The following UBE2E2 variants were observed in gnomAD, a reference collection of about 807,000 sequenced individuals.
UBE2E2 encodes ubiquitin-conjugating enzyme E2 E2.
UBE2E2 carries 6 observed loss-of-function variants against 24.7 expected under a neutral mutation model. The observed-to-expected ratio is 0.24, with a 90% CI of 0.13 to 0.48. UBE2E2 has a LOEUF of 0.48. Ranked by LOEUF, UBE2E2 falls within the 20% of genes least tolerant of loss-of-function variation. The probability of loss-of-function intolerance (pLI) is 0.99; values close to 1 mark genes in which losing one functional copy is unlikely to be tolerated. For synonymous variants in UBE2E2, 104 were observed against 83.6 expected (o/e 1.24, Z -1.33); for missense variants, 169 against 245.0 (o/e 0.69, Z 2.07).
chr3:23,406,710 A>G (rs1697363917), intron 3 of UBE2E2, among the ~76,000 whole-genome samples: 1 of 152,214 alleles, frequency 6.6e-6, no homozygotes, highest in African/African-American at 2.4e-5. Context: ...TTCTGTGACC[A>G]TGACAATTGA....
chr3:23,354,917 G>A (rs954556636), intron 3 of UBE2E2, among the ~76,000 whole-genome samples: 9 of 152,064 alleles, frequency 5.9e-5, no homozygotes, highest in African/African-American at 1.9e-4. Context: ...CTGCTATAAA[G>A]ACACATGCAC....
intron 5 of UBE2E2, among the ~76,000 whole-genome samples, chr3:23,540,355 G>A (rs931150428): frequency 1.3e-5 from 2 of 151,962 alleles, no homozygotes; most frequent in African/African-American, 4.8e-5. Context: ...TGTGCCCTGT[G>A]GAAGATAAGC....
chr3:23,204,529 A>G (rs1696093371), intron 1 of UBE2E2: 1 of 220,262 alleles, frequency 4.5e-6, no homozygotes, highest in South Asian at 1.6e-4. Flanking sequence ...GTATGTTTCT[A>G]GATATGTGAT....
chr3:23,396,815 C>CA (rs1575604130), intron 3 of UBE2E2, among the ~76,000 whole-genome samples: 2 of 151,688 alleles, frequency 1.3e-5, no homozygotes, highest in South Asian at 4.2e-4. Flanking sequence ...TTCTTAAGAA[C>CA]AAAAAAAATA....
intron 3 of UBE2E2, among the ~76,000 whole-genome samples, chr3:23,262,313 G>GAC (rs1697924681): frequency 6.6e-6 from 1 of 152,118 alleles, no homozygotes; most frequent in Non-Finnish European, 1.5e-5. Context: ...CAGAGTCGTG[G>GAC]TCTTTTTTTC....
At chr3:23,352,542 T>C (rs1695785989) in intron 3 of UBE2E2, among the ~76,000 whole-genome samples, 1 of 152,064 alleles carries the variant, frequency 6.6e-6, no homozygotes, top group Non-Finnish European at 1.5e-5. Flanking sequence ...TAAAAAATGA[T>C]AAAGGGGATA....
At chr3:23,290,265 A>C (rs1344220916) in intron 3 of UBE2E2, among the ~76,000 whole-genome samples, 1 of 152,158 alleles carries the variant, frequency 6.6e-6, no homozygotes, top group Admixed American at 6.5e-5. Flanking sequence ...GCACTTTATT[A>C]GTTTGTGGAC....
chr3:23,354,736 C>T (rs561854952), intron 3 of UBE2E2, among the ~76,000 whole-genome samples: 1 of 152,262 alleles, frequency 6.6e-6, no homozygotes, highest in Non-Finnish European at 1.5e-5. Flanking sequence ...GCAACAGGTG[C>T]TGGAGAGGAT....
chr3:23,351,976 A>G (rs757246058), intron 3 of UBE2E2, among the ~76,000 whole-genome samples: 1 of 152,100 alleles, frequency 6.6e-6, no homozygotes, highest in Non-Finnish European at 1.5e-5. Flanking sequence ...TGACCACATA[A>G]TTGGAAGTAA....
intron 3 of UBE2E2, among the ~76,000 whole-genome samples, chr3:23,282,461 A>C (rs1419620572): frequency 6.6e-6 from 1 of 152,190 alleles, no homozygotes; most frequent in Admixed American, 6.5e-5. Context: ...CACACACACA[A>C]AATTCTTGTG....
intron 5 of UBE2E2, among the ~76,000 whole-genome samples, chr3:23,584,573 G>T (rs551218238): frequency 3.4e-4 from 51 of 150,634 alleles, no homozygotes; most frequent in Admixed American, 1.6e-3. Context: ...TTTTTTTCTG[G>T]AAAGACGGTC....
intron 3 of UBE2E2, among the ~76,000 whole-genome samples, chr3:23,472,573 T>C (rs1699052121): frequency 6.6e-6 from 1 of 151,032 alleles, no homozygotes; most frequent in East Asian, 1.9e-4. Flanking sequence ...TATCTTTAAA[T>C]AATGCTTCAT....
At chr3:23,365,144 A>G (rs1168722500) in intron 3 of UBE2E2, among the ~76,000 whole-genome samples, 1 of 152,184 alleles carries the variant, frequency 6.6e-6, no homozygotes, top group Non-Finnish European at 1.5e-5. Context: ...AGAGCCACCT[A>G]TGACAAACCC....
intron 3 of UBE2E2, among the ~76,000 whole-genome samples, chr3:23,252,736 A>G (rs1697608688): frequency 1.3e-5 from 2 of 152,168 alleles, no homozygotes; most frequent in South Asian, 4.1e-4. Flanking sequence ...ATCTCTGGTG[A>G]TCCACCCACC....
intron 4 of UBE2E2, among the ~76,000 whole-genome samples, chr3:23,522,460 T>G (rs988265864): frequency 2.6e-5 from 4 of 152,180 alleles, no homozygotes; most frequent in Non-Finnish European, 5.9e-5. Flanking sequence ...AAATTCCTTG[T>G]TTTAAATTTC....
At chr3:23,255,603 A>G (rs1487159163) in intron 3 of UBE2E2, among the ~76,000 whole-genome samples, 2 of 152,190 alleles carry the variant, frequency 1.3e-5, no homozygotes, top group Non-Finnish European at 2.9e-5. Context: ...GCATTTCCAG[A>G]TAATTGACAC....
intron 5 of UBE2E2, among the ~76,000 whole-genome samples, chr3:23,554,916 CT>C (rs1055904204): frequency 9.0e-4 from 132 of 146,066 alleles, no homozygotes; most frequent in South Asian, 3.9e-3. Context: ...CTGAATATAC[CT>C]TTTTTTTTTT....
At chr3:23,281,840 A>G (rs1366103923) in intron 3 of UBE2E2, among the ~76,000 whole-genome samples, 1 of 152,220 alleles carries the variant, frequency 6.6e-6, no homozygotes, top group Non-Finnish European at 1.5e-5. Context: ...AATTATTGTT[A>G]TTGAAGAGGA....
intron 3 of UBE2E2, among the ~76,000 whole-genome samples, chr3:23,292,100 C>T (rs980316410): frequency 2.6e-5 from 4 of 152,026 alleles, no homozygotes; most frequent in Admixed American, 6.5e-5. Context: ...CCTCGTGATT[C>T]GCTCACCTTG....
Sources: allele counts gnomAD v4.1 joint callset (sites outside exome capture counted in the v4.1 genomes callset), GRCh38; gene constraint gnomAD v4.1.1; transcripts MANE v1.5; gene names NCBI Gene and HGNC (gene_info 2026-07-23, HGNC 2026-07-21).